PRPSAP2: variants seen among roughly 807,000 people sequenced by gnomAD.
PRPSAP2 encodes phosphoribosyl pyrophosphate synthase-associated protein 2.
In PRPSAP2, 24 loss-of-function variants were observed where a neutral mutation model predicts 40.6. That is an observed-to-expected ratio of 0.59 (90% CI 0.43 to 0.83). The LOEUF (loss-of-function observed/expected upper bound fraction) is 0.83. PRPSAP2 is among the 40% of genes least tolerant of loss of function. The probability of loss-of-function intolerance (pLI) is 0.00; values close to 1 mark genes in which losing one functional copy is unlikely to be tolerated. For synonymous variants in PRPSAP2, 149 were observed against 164.7 expected, an observed-to-expected ratio of 0.90 and a Z score of 0.73; for missense variants, 292 against 465.6, an observed-to-expected ratio of 0.63 and a Z score of 3.43.
rs751915777 is a variant in PRPSAP2, at chr17:18,882,693, C to G, written c.528+10C>G. 1 of 1,510,324 alleles carries G rather than the reference C, an allele frequency of 6.6e-7. No homozygotes were observed. The highest frequency in any genetic ancestry group is 1.7e-5 in the Admixed American group (1 of 57,876). 93.6% of individuals were successfully genotyped at this position (1,510,324 alleles called of 1,614,324 possible). ...GTATATTCAAGAAGAGGTGAGCTAG[C>G]TCAAACTTTTTTATTTTAACATTCT... On this transcript the variant is annotated intron_variant, in intron 7 of 11. Coordinates refer to ENST00000268835, the MANE Select transcript of PRPSAP2 (RefSeq NM_002767.4).
intron 10 of PRPSAP2, among the ~76,000 whole-genome samples, chr17:18,925,660 G>T (rs555096231): frequency 6.6e-6 from 1 of 152,344 alleles, no homozygotes; most frequent in South Asian, 2.1e-4. Flanking sequence ...GTGCCTGGGA[G>T]TGGGGTTGTT....
At chr17:18,877,149 G>A (rs900562904) in intron 5 of PRPSAP2, among the ~76,000 whole-genome samples, 15 of 152,170 alleles carry the variant, frequency 9.9e-5, no homozygotes, top group African/African-American at 3.1e-4. Context: ...GGACATGGCC[G>A]CATGGAGGCC....
At chr17:18,915,728 T>TAGGA (rs903388923) in intron 9 of PRPSAP2, among the ~76,000 whole-genome samples, 1 of 151,964 alleles carries the variant, frequency 6.6e-6, no homozygotes, top group Non-Finnish European at 1.5e-5. Context: ...CTCACCCCCA[T>TAGGA]AGGAAGGCAT....
At chr17:18,883,743 C>T (rs1464321890) in intron 7 of PRPSAP2, among the ~76,000 whole-genome samples, 1 of 151,972 alleles carries the variant, frequency 6.6e-6, no homozygotes, top group African/African-American at 2.4e-5. Flanking sequence ...TAGATAACTT[C>T]TTTTTACAGT....
intron 8 of PRPSAP2, chr17:18,908,179 T>TG: frequency 1.6e-6 from 1 of 618,148 alleles, no homozygotes; most frequent in East Asian, 2.8e-5. Flanking sequence ...AAAAGCCAGA[T>TG]GCGGTGGGAA....
At chr17:18,891,643 T>C (rs907884290) in intron 8 of PRPSAP2, among the ~76,000 whole-genome samples, 45 of 152,376 alleles carry the variant, frequency 3.0e-4, no homozygotes, top group Non-Finnish European at 4.6e-4. Flanking sequence ...ATTTAGTGCA[T>C]TCACAATGTT....
intron 8 of PRPSAP2, among the ~76,000 whole-genome samples, chr17:18,894,701 T>TGACCAA (rs2039808883): frequency 6.6e-6 from 1 of 152,048 alleles, no homozygotes; most frequent in Non-Finnish European, 1.5e-5. Flanking sequence ...GCCAGGCCAG[T>TGACCAA]CTTGAACTCC....
intron 6 of PRPSAP2, among the ~76,000 whole-genome samples, chr17:18,879,094 T>A (rs2038522885): frequency 6.6e-6 from 1 of 152,144 alleles, no homozygotes; most frequent in Admixed American, 6.6e-5. Flanking sequence ...GGTCTCGAAC[T>A]CCTGACCTCA....
At chr17:18,876,928 C>T (rs1205974252) in intron 5 of PRPSAP2, among the ~76,000 whole-genome samples, 1 of 152,066 alleles carries the variant, frequency 6.6e-6, no homozygotes, top group Admixed American at 6.6e-5. Flanking sequence ...GGCAGATCCT[C>T]AAGTTTGGAC....
At chr17:18,866,454 CT>C (rs1233604420) in intron 3 of PRPSAP2, among the ~76,000 whole-genome samples, 6 of 152,208 alleles carry the variant, frequency 3.9e-5, no homozygotes, top group African/African-American at 1.4e-4. Context: ...GTCCCAGCTA[CT>C]TGGGAGGCTG....
At chr17:18,918,858 T>G (rs976826565) in intron 9 of PRPSAP2, among the ~76,000 whole-genome samples, 1 of 152,252 alleles carries the variant, frequency 6.6e-6, no homozygotes, top group African/African-American at 2.4e-5. Flanking sequence ...GAAGTTTTAT[T>G]GACTCTGTGT....
chr17:18,889,979 T>C, intron 8 of PRPSAP2, 102 bp downstream of exon 8: 1 of 992,398 alleles, frequency 1.0e-6, no homozygotes, highest in Non-Finnish European at 1.5e-6. Context: ...TTCCCAGCGA[T>C]ATCTCTTATT....
At chr17:18,905,753 T>C (rs2151946045) in intron 8 of PRPSAP2, among the ~76,000 whole-genome samples, 1 of 152,264 alleles carries the variant, frequency 6.6e-6, no homozygotes, top group African/African-American at 2.4e-5. Context: ...GCTAATTTGT[T>C]TGTGTTTTTA....
chr17:18,909,150 A>G (rs2040793216), intron 8 of PRPSAP2, among the ~76,000 whole-genome samples: 1 of 152,136 alleles, frequency 6.6e-6, no homozygotes, highest in African/African-American at 2.4e-5. Context: ...TACCGTACCA[A>G]GTGTTGGTGA....
At chr17:18,869,845 TGTG>T (rs2037727707) in intron 4 of PRPSAP2, among the ~76,000 whole-genome samples, 3 of 146,962 alleles carry the variant, frequency 2.0e-5, no homozygotes, top group African/African-American at 7.7e-5. Flanking sequence ...TTTTTTTTTG[TGTG>T]TGTGTGTGTG....
chr17:18,871,209 G>C (rs971894613), intron 4 of PRPSAP2, among the ~76,000 whole-genome samples: 2 of 151,646 alleles, frequency 1.3e-5, no homozygotes, highest in African/African-American at 4.8e-5. Context: ...TAGTAGAGAC[G>C]AGGTTTCACC....
At chr17:18,886,934 T>C (rs2039195938) in intron 7 of PRPSAP2, among the ~76,000 whole-genome samples, 2 of 130,962 alleles carry the variant, frequency 1.5e-5, no homozygotes, top group African/African-American at 3.1e-5. Flanking sequence ...TTCTTCTTTT[T>C]TTTTTTTTTT....
chr17:18,923,835 C>A, intron 9 of PRPSAP2, 79 bp from the exon 10 acceptor site: 2 of 1,268,302 alleles, frequency 1.6e-6, no homozygotes, highest in African/African-American at 1.5e-5. Flanking sequence ...ATGTTTTTAT[C>A]TTGAGATATT....
chr17:18,876,778 A>T (rs759967116), intron 5 of PRPSAP2, among the ~76,000 whole-genome samples: 10 of 152,142 alleles, frequency 6.6e-5, no homozygotes, highest in Non-Finnish European at 1.3e-4. Context: ...CAGAGACTAG[A>T]GAAGGTGAGG....
Sources: allele counts gnomAD v4.1 joint callset (sites outside exome capture counted in the v4.1 genomes callset), GRCh38; gene constraint gnomAD v4.1.1; transcripts MANE v1.5; gene names NCBI Gene and HGNC (gene_info 2026-07-23, HGNC 2026-07-21).